The following PDE7B variants were observed in gnomAD, a reference collection of about 807,000 sequenced individuals.
PDE7B encodes the protein phosphodiesterase 7B, also known as 3',5'-cyclic-AMP phosphodiesterase 7B.
Under a neutral mutation model 56.2 loss-of-function variants are expected in PDE7B, and 29 were observed. That is an observed-to-expected ratio of 0.52 (90% confidence interval 0.38 to 0.70). The LOEUF (loss-of-function observed/expected upper bound fraction) is 0.70. Among genes scored for constraint, PDE7B ranks in the 30% least tolerant of loss-of-function variants. The pLI is 0.00. For synonymous variants in PDE7B, 197 were observed against 196.9 expected (o/e 1.00, Z 0.00); for missense variants, 490 against 565.0 (o/e 0.87, Z 1.35).
At chr6:136,038,382 G>A (rs187980374) in intron 2 of PDE7B, 92 of 1,291,614 alleles carry the variant, frequency 7.1e-5, no homozygotes, top group Middle Eastern at 6.4e-4. Context: ...CCGGGAAGCC[G>A]GCCGGGGTGC....
At position 136,191,650 on chromosome 6, in the gene PDE7B, A is replaced by T; in HGVS notation, c.1163A>T (p.Glu388Val). 6.2e-7 allele frequency: 1 copy of T among 1,614,110 alleles called. No homozygotes were observed. The change falls in exon 13 of 13, where the codon GAA (glutamate) becomes GTA (valine). Residue 388 changes from glutamate (E) to valine (V), a missense_variant. Coordinates refer to ENST00000308191, the MANE Select transcript of PDE7B (RefSeq NM_018945.4). The stretch of plus-strand genomic sequence containing the variant: ...TACATCGTGGAGCCGCTCTTCCGGG[A>T]ATGGGCCCATTTCACGGGTAACAGC... ...MSYIVEPLFR[E>V]WAHFTGNSTL...
intron 1 of PDE7B, among the ~76,000 whole-genome samples, chr6:135,905,523 C>T (rs932639785): frequency 6.6e-6 from 1 of 152,170 alleles, no homozygotes; most frequent in African/African-American, 2.4e-5. Flanking sequence ...CTATAATCAT[C>T]ACGTTGCCTC....
intron 1 of PDE7B, among the ~76,000 whole-genome samples, chr6:135,920,384 A>G (rs1041766780): frequency 2.6e-5 from 4 of 152,168 alleles, no homozygotes; most frequent in Non-Finnish European, 5.9e-5. Context: ...TGTATCCTAA[A>G]TTTCTGATCT....
At chr6:135,931,188 G>A (rs1774285785) in intron 1 of PDE7B, among the ~76,000 whole-genome samples, 2 of 152,166 alleles carry the variant, frequency 1.3e-5, no homozygotes, top group South Asian at 2.1e-4. Context: ...TATGCCCAAT[G>A]AGTAGTTAAA....
intron 1 of PDE7B, among the ~76,000 whole-genome samples, chr6:135,865,898 G>C (rs1775250893): frequency 6.6e-6 from 1 of 152,146 alleles, no homozygotes; most frequent in African/African-American, 2.4e-5. Flanking sequence ...TAGGGAAAGA[G>C]AGTAAGGGTA....
chr6:136,185,991 T>C (rs1444394200), intron 11 of PDE7B, among the ~76,000 whole-genome samples: 1 of 152,094 alleles, frequency 6.6e-6, no homozygotes, highest in Non-Finnish European at 1.5e-5. Context: ...TAAAGTTTTG[T>C]ACAATACATT....
chr6:136,047,905 T>C (rs186197041), intron 2 of PDE7B, among the ~76,000 whole-genome samples: 9 of 152,328 alleles, frequency 5.9e-5, no homozygotes, highest in Admixed American at 3.3e-4. Context: ...GAATGGCATA[T>C]GCTTTACAAT....
intron 2 of PDE7B, chr6:136,070,116 G>A (rs935819689): frequency 6.6e-6 from 1 of 151,402 alleles, no homozygotes; most frequent in Non-Finnish European, 1.5e-5. Context: ...GTATTCAGCT[G>A]CACTGTATCT....
intron 3 of PDE7B, among the ~76,000 whole-genome samples, chr6:136,124,527 C>A (rs1777989237): frequency 6.6e-6 from 1 of 152,160 alleles, no homozygotes; most frequent in African/African-American, 2.4e-5. Context: ...CCCCTGAGGC[C>A]AAGTTTCAGT....
chr6:136,098,149 A>T (rs1049015212), intron 2 of PDE7B: 3 of 135,540 alleles, frequency 2.2e-5, no homozygotes, highest in East Asian at 2.5e-4. Flanking sequence ...GGGGGGGGGA[A>T]ATATATGTAT....
intron 1 of PDE7B, among the ~76,000 whole-genome samples, chr6:135,855,867 G>A (rs1242017980): frequency 2.6e-5 from 4 of 152,142 alleles, no homozygotes; most frequent in Non-Finnish European, 5.9e-5. Flanking sequence ...TTACCTCAGT[G>A]TCAGGAAAAC....
intron 1 of PDE7B, among the ~76,000 whole-genome samples, chr6:135,888,584 G>T (rs1300991691): frequency 6.6e-6 from 1 of 151,682 alleles, no homozygotes; most frequent in East Asian, 1.9e-4. Flanking sequence ...CACTGTTCTG[G>T]ACTATTTAGA....
chr6:136,145,279 G>A (rs144555347), intron 3 of PDE7B, among the ~76,000 whole-genome samples: 1 of 152,068 alleles, frequency 6.6e-6, no homozygotes, highest in East Asian at 1.9e-4. Flanking sequence ...TATTCATTTT[G>A]AGACTCAAAT....
At chr6:136,177,625 G>A (rs1025425076) in intron 9 of PDE7B, among the ~76,000 whole-genome samples, 14 of 152,162 alleles carry the variant, frequency 9.2e-5, no homozygotes, top group African/African-American at 2.9e-4. Context: ...AGCAAAAAAT[G>A]TAAAGGGTAA....
At chr6:136,086,318 T>C (rs1777291360) in intron 2 of PDE7B, among the ~76,000 whole-genome samples, 2 of 152,272 alleles carry the variant, frequency 1.3e-5, no homozygotes, top group South Asian at 4.1e-4. Context: ...TACTTGTCCA[T>C]TCAGTATCTA....
chr6:136,188,318 C>T (rs1779173110), intron 12 of PDE7B, among the ~76,000 whole-genome samples: 2 of 151,736 alleles, frequency 1.3e-5, no homozygotes, highest in Non-Finnish European at 2.9e-5. Flanking sequence ...ACAATCAAAC[C>T]AATTCCTCCA....
intron 2 of PDE7B, among the ~76,000 whole-genome samples, chr6:136,098,882 C>T (rs1244281015): frequency 1.3e-5 from 2 of 151,978 alleles, no homozygotes; most frequent in African/African-American, 2.4e-5. Context: ...CCCATTAACT[C>T]GTCATTTACA....
At chr6:136,048,030 A>T (rs1401751178) in intron 2 of PDE7B, among the ~76,000 whole-genome samples, 1 of 152,216 alleles carries the variant, frequency 6.6e-6, no homozygotes, top group Non-Finnish European at 1.5e-5. Flanking sequence ...TTAGAAAATA[A>T]ATATTCATGA....
At chr6:135,982,815 G>C (rs1775318495) in intron 2 of PDE7B, among the ~76,000 whole-genome samples, 2 of 151,946 alleles carry the variant, frequency 1.3e-5, no homozygotes, top group Non-Finnish European at 2.9e-5. Context: ...CCATACTTCT[G>C]GCTCCTGGAT....
Sources: allele counts gnomAD v4.1 joint callset (sites outside exome capture counted in the v4.1 genomes callset), GRCh38; gene constraint gnomAD v4.1.1; transcripts MANE v1.5; gene names NCBI Gene and HGNC (gene_info 2026-07-23, HGNC 2026-07-21).